The following GRB10 variants were observed in gnomAD, a reference collection of about 807,000 sequenced individuals.
GRB10 encodes growth factor receptor bound protein 10.
In GRB10, 20 loss-of-function variants were observed where a neutral mutation model predicts 80.9. The ratio of observed to expected loss-of-function variants is 0.25; its 90% CI spans 0.17 to 0.36. The LOEUF (loss-of-function observed/expected upper bound fraction) is 0.36, where lower values mean the gene tolerates loss of function less well. GRB10 is among the 10% of genes least tolerant of loss of function. The pLI is 1.00. For missense variants in GRB10, 548 were observed against 747.7 expected (o/e 0.73, Z 3.12); for synonymous variants, 291 against 291.5 (o/e 1.00, Z 0.02).
intron 11 of GRB10, 142 bp downstream of exon 11, chr7:50,616,068 C>T (rs539619039): frequency 1.5e-5 from 14 of 920,586 alleles, no homozygotes; most frequent in Admixed American, 9.0e-5. Context: ...TCAGCTGCTG[C>T]ACAATTAGCT....
intron 5 of GRB10, among the ~76,000 whole-genome samples, chr7:50,689,528 G>C (rs1490387912): frequency 6.6e-6 from 1 of 152,002 alleles, no homozygotes; most frequent in African/African-American, 2.4e-5. Context: ...CCACAAGGCA[G>C]GCTCCTGGCT....
At chr7:50,620,530 C>T (rs946189266) in intron 8 of GRB10, among the ~76,000 whole-genome samples, 3 of 152,164 alleles carry the variant, frequency 2.0e-5, no homozygotes, top group Non-Finnish European at 2.9e-5. Flanking sequence ...TGCTCGGCCC[C>T]GGTTTTGACA....
At chr7:50,614,995 T>G (rs928896227) in intron 11 of GRB10, 115 bp from the exon 12 acceptor site, 10 of 734,078 alleles carry the variant, frequency 1.4e-5, no homozygotes, top group Admixed American at 9.7e-5. Context: ...CCGATGACAC[T>G]ATACATATTA....
At chr7:50,614,184 G>A (rs930699032) in intron 12 of GRB10, among the ~76,000 whole-genome samples, 1 of 152,206 alleles carries the variant, frequency 6.6e-6, no homozygotes, top group African/African-American at 2.4e-5. Context: ...TAATGTATGT[G>A]TATGCACAAA....
chr7:50,689,139 G>A (rs1373240920), intron 5 of GRB10, among the ~76,000 whole-genome samples: 1 of 152,150 alleles, frequency 6.6e-6, no homozygotes, highest in African/African-American at 2.4e-5. Context: ...CCGCTCCAAG[G>A]TGGGGAAACC....
rs561720047 is a variant in GRB10, at chr7:50,612,955, G to T, written c.1096-116C>A. On this transcript the variant is annotated intron_variant, in intron 12 of 18. Coordinates refer to ENST00000401949, the MANE Select transcript of GRB10 (RefSeq NM_001350814.2). ...AGACAACCAGCTGGAGATCCCCCTA[G>T]CAAGGAGCACAGCAGATACACACAC... The T allele has an allele frequency of 1.1e-3, 792 of 728,984 alleles. 1 individual carries two copies. Among genetic ancestry groups the T allele is most frequent in the Middle Eastern group, 7.4e-3 (25 of 3,358 alleles). The allele number at this position is 728,984 out of a possible 1,614,324, so 45.2% of individuals were successfully genotyped here.
intron 7 of GRB10, among the ~76,000 whole-genome samples, chr7:50,628,436 C>A (rs1294079395): frequency 6.6e-6 from 1 of 152,158 alleles, no homozygotes; most frequent in East Asian, 1.9e-4. Context: ...GGGAGGCCCC[C>A]ACCTTAATCA....
At chr7:50,672,898 T>C (rs1021603503) in intron 6 of GRB10, among the ~76,000 whole-genome samples, 15 of 152,176 alleles carry the variant, frequency 9.9e-5, no homozygotes, top group African/African-American at 3.4e-4. Context: ...AAGAGCAAAG[T>C]TGAACAAACC....
At chr7:50,597,858 G>A (rs1191774724) in intron 17 of GRB10, among the ~76,000 whole-genome samples, 1 of 152,192 alleles carries the variant, frequency 6.6e-6, no homozygotes, top group Non-Finnish European at 1.5e-5. Context: ...TCTGCAGAAG[G>A]GGAACAACAC....
chr7:50,708,072 G>A (rs78272645), intron 4 of GRB10, among the ~76,000 whole-genome samples: 1,598 of 152,336 alleles, frequency 0.01, 27 homozygotes, highest in African/African-American at 0.035. Context: ...TTTGGTATAA[G>A]TATGTGGCAA....
At chr7:50,635,930 T>C (rs2054891523) in intron 7 of GRB10, among the ~76,000 whole-genome samples, 1 of 135,518 alleles carries the variant, frequency 7.4e-6, no homozygotes, top group African/African-American at 2.7e-5. Flanking sequence ...CAGGACCAGA[T>C]GGATCCACAG....
rs78110075 is a variant in GRB10, at chr7:50,701,659, C to A, written c.139+2162G>T. 1.2e-3 allele frequency among the ~76,000 whole-genome samples: 185 copies of A among 152,304 alleles called. 4 individuals are homozygous for A. The East Asian group carries it at 0.027, about 22-fold the overall frequency. ...TGACACATTTTTTTCTCAATCTTTG[C>A]CTGAGAAAGCTTTATTTGGCCTTCC... On this transcript the variant is annotated intron_variant, in intron 5 of 18. Transcript: ENST00000401949.
chr7:50,721,404 G>T (rs537350787), intron 4 of GRB10, among the ~76,000 whole-genome samples: 1 of 152,234 alleles, frequency 6.6e-6, no homozygotes, highest in African/African-American at 2.4e-5. Flanking sequence ...CCGTCGCAGT[G>T]ATCATCAGAT....
At chr7:50,748,364 G>C (rs780251035) in intron 3 of GRB10, among the ~76,000 whole-genome samples, 1 of 152,244 alleles carries the variant, frequency 6.6e-6, no homozygotes, top group African/African-American at 2.4e-5. Context: ...ATGGACACGA[G>C]TGGGCACCAC....
chr7:50,604,962 C>T (rs2153569686), intron 15 of GRB10: 1 of 361,626 alleles, frequency 2.8e-6, no homozygotes, highest in Admixed American at 4.3e-5. Context: ...CCCACTCAGG[C>T]CTGGGCTCTG....
At chr7:50,748,502 C>A (rs2073425281) in intron 3 of GRB10, among the ~76,000 whole-genome samples, 1 of 152,208 alleles carries the variant, frequency 6.6e-6, no homozygotes, top group Non-Finnish European at 1.5e-5. Flanking sequence ...ACACAACAGG[C>A]TGGGAGAATG....
chr7:50,671,532 G>A (rs1296549971), intron 6 of GRB10, among the ~76,000 whole-genome samples: 1 of 152,236 alleles, frequency 6.6e-6, no homozygotes, highest in Non-Finnish European at 1.5e-5. Flanking sequence ...GCGAAATACA[G>A]GAAAGCCGTT....
intron 7 of GRB10, among the ~76,000 whole-genome samples, chr7:50,664,567 TC>T (rs1401270730): frequency 6.6e-6 from 1 of 151,880 alleles, no homozygotes; most frequent in Non-Finnish European, 1.5e-5. Flanking sequence ...GTGGTGCCCC[TC>T]CCTCCCGACA....
intron 5 of GRB10, among the ~76,000 whole-genome samples, chr7:50,700,979 CA>C (rs1207498644): frequency 5.3e-5 from 8 of 152,314 alleles, no homozygotes; most frequent in Admixed American, 5.2e-4. Context: ...TTAACACTAT[CA>C]CGAATTGACT....
Sources: allele counts gnomAD v4.1 joint callset (sites outside exome capture counted in the v4.1 genomes callset), GRCh38; gene constraint gnomAD v4.1.1; transcripts MANE v1.5; gene names NCBI Gene and HGNC (gene_info 2026-07-23, HGNC 2026-07-21).